LTF: variants seen among roughly 807,000 people sequenced by gnomAD.
The protein encoded by LTF is lactotransferrin, also known as epididymis luminal protein 110.
A neutral mutation model predicts 87.2 loss-of-function variants in LTF; 91 were observed. The ratio of observed to expected loss-of-function variants is 1.04; its 90% CI spans 0.88 to 1.24. LTF has a LOEUF of 1.24. Among genes scored for constraint, LTF ranks in the 50% most tolerant of loss-of-function variants. The probability of loss-of-function intolerance (pLI) is 0.00; values close to 1 mark genes in which losing one functional copy is unlikely to be tolerated. For missense variants in LTF, 901 were observed against 904.3 expected, an observed-to-expected ratio of 1.00 and a Z score of 0.05; for synonymous variants, 378 against 356.1, an observed-to-expected ratio of 1.06 and a Z score of -0.69.
intron 1 of LTF, among the ~76,000 whole-genome samples, chr3:46,471,955 G>C (rs1362502958): frequency 1.3e-5 from 2 of 152,188 alleles, no homozygotes. Context: ...CCGAGATGCT[G>C]TCATGTTAGC....
rs148123129 is a variant in LTF at position 46,455,840 on chromosome 3, C to A, written c.455G>T (p.Arg152Leu). 2.2e-5 allele frequency: 36 copies of A among 1,600,922 alleles called. No homozygotes were observed. Among genetic ancestry groups the A allele is most frequent in the African/African-American group, 2.7e-5 (2 of 74,398 alleles). Reference sequence around the variant, plus strand: ...TGGACCCGTCCAATTCAAGAATGGACGAAGTGTCCCTATAGGGACATTCCA... The same window carrying A: ...TGGACCCGTCCAATTCAAGAATGGAAGAAGTGTCCCTATAGGGACATTCCA... The part of the protein sequence containing the change: ...AGWNVPIGTL[R>L]PFLNWTGPPE... The change falls in exon 4 of 17, where the codon CGT (arginine) becomes CTT (leucine). Residue 152 changes from arginine to leucine, a missense_variant. Transcript: ENST00000231751.
chr3:46,438,606 G>T lies in LTF; in HGVS notation c.1909-477C>A, dbSNP rs568857629. ...TCACACAGTTCCTGCTCTGTCCCAG[G>T]CTCCCATGTGGGGAGACTGAGACCC... On this transcript the variant is annotated intron_variant, in intron 15 of 16. Coordinates refer to ENST00000231751, the MANE Select transcript of LTF (RefSeq NM_002343.6). Among the ~76,000 whole-genome samples the T allele has an allele frequency of 2.0e-5, 3 of 152,272 alleles. No homozygotes were observed. In the East Asian group the frequency reaches 5.8e-4, roughly 29 times the overall value.
At chr3:46,484,161 C>T (rs905111037) in intron 1 of LTF, among the ~76,000 whole-genome samples, 3 of 152,010 alleles carry the variant, frequency 2.0e-5, no homozygotes, top group Non-Finnish European at 4.4e-5. Flanking sequence ...AGGGAGGGGT[C>T]GGAGAAGACA....
chr3:46,466,326 G>T (rs1703213237), upstream of LTF, among the ~76,000 whole-genome samples: 1 of 152,156 alleles, frequency 6.6e-6, no homozygotes, highest in African/African-American at 2.4e-5. Flanking sequence ...CACCTTTCTT[G>T]GCAGGTGAGT....
rs1191973713 is a variant in LTF at position 46,436,232 on chromosome 3, G to A, written c.2099-3C>T. On this transcript the variant is annotated splice_region_variant and splice_polypyrimidine_tract_variant and intron_variant, in intron 16 of 16. Coordinates refer to ENST00000231751, the MANE Select transcript of LTF (RefSeq NM_002343.6). Reference sequence around the variant, plus strand: ...GAATTCACAGGCTTCCAGGAGGGCTGTGGGACACAACAGAGCAAGAGATTC... The same window carrying A: ...GAATTCACAGGCTTCCAGGAGGGCTATGGGACACAACAGAGCAAGAGATTC... 8 of 1,613,872 alleles carry A rather than the reference G, an allele frequency of 5.0e-6. No individual in the cohort carries two copies. In the South Asian group the frequency reaches 8.8e-5, roughly 18 times the overall value.
At position 46,450,536 on chromosome 3, in the gene LTF, C is replaced by A; in HGVS notation, c.841G>T (p.Gly281Cys). 3 of 1,613,960 alleles carry A rather than the reference C, an allele frequency of 1.9e-6. No individual in the cohort carries two copies. Among genetic ancestry groups the A allele is most frequent in the Non-Finnish European group, 2.5e-6 (3 of 1,180,038 alleles). Reference protein sequence around the residue: ...SHAVVARSVNGKEDAIWNLLR... With the variant: ...SHAVVARSVNCKEDAIWNLLR... Reference sequence around the variant, plus strand: ...AGATTCCAGATGGCATCCTCCTTGCCATTCACACTTCGTGCCACAACGGCA... The same window carrying A: ...AGATTCCAGATGGCATCCTCCTTGCAATTCACACTTCGTGCCACAACGGCA... The change falls in exon 7 of 17, where the codon GGC becomes TGC. Residue 281 changes from glycine (G) to cysteine (C), a missense_variant. Coordinates refer to ENST00000231751, the MANE Select transcript of LTF (RefSeq NM_002343.6).
chr3:46,482,621 A>AAAGAAAG (rs1559614724), intron 1 of LTF, among the ~76,000 whole-genome samples: 7 of 51,980 alleles, frequency 1.3e-4, no homozygotes, highest in South Asian at 1.0e-3. Flanking sequence ...AGAAAGAAAG[A>AAAGAAAG]AAGAAAGAAA....
intron 1 of LTF, among the ~76,000 whole-genome samples, chr3:46,475,450 A>G (rs1703347903): frequency 6.6e-6 from 1 of 151,788 alleles, no homozygotes; most frequent in South Asian, 2.1e-4. Context: ...GGAGAGGGTC[A>G]TCTCTGTTAT....
At chr3:46,439,582 C>A in intron 14 of LTF, 102 bp from the exon 15 acceptor site, 1 of 968,344 alleles carries the variant, frequency 1.0e-6, no homozygotes, top group Non-Finnish European at 1.5e-6. Context: ...CAAATGCACA[C>A]ACTGGGGTTG....
intron 8 of LTF, among the ~76,000 whole-genome samples, 192 bp from the exon 9 acceptor site, chr3:46,449,209 C>T (rs539445611): frequency 6.6e-6 from 1 of 152,328 alleles, no homozygotes; most frequent in South Asian, 2.1e-4. Flanking sequence ...ACAGAGCTCC[C>T]TGTGTTTCCC....
At position 46,441,323 on chromosome 3, in the gene LTF, A is replaced by G. The variant is rs1702510037; in HGVS notation, c.1723+93T>C. Reference sequence around the variant, plus strand: ...TTTAATCACAAATATGGAAAATGTTATAAAACCTTCCCAAAGGCAAATCTG... The same window carrying G: ...TTTAATCACAAATATGGAAAATGTTGTAAAACCTTCCCAAAGGCAAATCTG... On this transcript the variant is annotated intron_variant, in intron 14 of 16. Coordinates refer to ENST00000231751, the MANE Select transcript of LTF (RefSeq NM_002343.6). The G allele has an allele frequency of 5.2e-6, 5 of 967,278 alleles. No homozygotes were observed. In the Admixed American group the frequency reaches 1.3e-4, roughly 24 times the overall value. 59.9% of individuals were successfully genotyped at this position (967,278 alleles called of 1,614,324 possible).
In LTF at chr3:46,447,396, T is replaced by A. The variant is rs1702682033; in HGVS notation, c.1215A>T (p.Lys405Asn). The change falls in exon 10 of 17, where the codon AAA (lysine) becomes AAT (asparagine). Residue 405 changes from lysine to asparagine, a missense_variant and splice_region_variant. By Grantham distance (94) the Lys-to-Asn change is moderately conservative (BLOSUM62 0). Transcript: ENST00000231751. ...TTEDCIALVL[K>N]GEADAMSLDG... The stretch of plus-strand genomic sequence containing the variant: ...CCAAACTCATGGCATCAGCTTCTCC[T>A]TTCTGCAAAGACAGAGCAGATCTCC... The A allele has an allele frequency of 1.2e-6, 2 of 1,612,686 alleles. No homozygotes were observed. Among genetic ancestry groups the A allele is most frequent in the Non-Finnish European group, 1.7e-6 (2 of 1,178,706 alleles).
intron 8 of LTF, 94 bp downstream of exon 8, chr3:46,449,760 T>C: frequency 7.5e-7 from 1 of 1,338,044 alleles, no homozygotes. Context: ...CCACAGTGTC[T>C]GGGAAAAGGA....
chr3:46,481,164 C>T (rs999178300), intron 1 of LTF, among the ~76,000 whole-genome samples: 17 of 152,210 alleles, frequency 1.1e-4, no homozygotes, highest in African/African-American at 1.7e-4. Flanking sequence ...TGACCTCTTC[C>T]ATCCTGCAAC....
At chr3:46,448,162 G>A (rs1702701691) in intron 9 of LTF, among the ~76,000 whole-genome samples, 2 of 152,086 alleles carry the variant, frequency 1.3e-5, no homozygotes, top group African/African-American at 2.4e-5. Flanking sequence ...CCAGGAGTTC[G>A]AGACGAGCCT....
chr3:46,466,552 A>G (rs923643442), upstream of LTF, among the ~76,000 whole-genome samples: 3 of 152,146 alleles, frequency 2.0e-5, no homozygotes, highest in African/African-American at 7.2e-5. Context: ...GAGCCCCTCC[A>G]TTTCTGGGCA....
Position 46,456,319 on chromosome 3 carries a change from A to G in LTF, c.287T>C (p.Val96Ala), listed in dbSNP as rs1008316527. ...TTCGGTCCCGTAGACTTCCGCCGCT[A>G]CAGGTCGCAGTTTGTAGGGGGCCAG... is the stretch of plus-strand genomic sequence containing the variant. ...AGLAPYKLRP[V>A]AAEVYGTERQ... The change falls in exon 3 of 17, where the codon GTA (valine) becomes GCA (alanine). Residue 96 changes from valine to alanine, a missense_variant. Val to Ala is a moderately conservative substitution (Grantham distance 64, BLOSUM62 0). Coordinates refer to ENST00000231751, the MANE Select transcript of LTF (RefSeq NM_002343.6). 6.2e-6 allele frequency: 10 copies of G among 1,613,978 alleles called. No individual in the cohort carries two copies. The Admixed American group carries it at 1.5e-4, about 24-fold the overall frequency.
At chr3:46,467,212 GCATTCATT>G (rs10663529), upstream of LTF, among the ~76,000 whole-genome samples, 5 of 150,122 alleles carry the variant, frequency 3.3e-5, no homozygotes, top group Non-Finnish European at 5.9e-5. Flanking sequence ...TCTATTAACA[GCATTCATT>G]CATTCATTCA....
At chr3:46,447,190 C>T (rs1702676007) in intron 10 of LTF, 118 bp downstream of exon 10, 1 of 716,644 alleles carries the variant, frequency 1.4e-6, no homozygotes, top group South Asian at 1.7e-5. Context: ...CCCTGATTCT[C>T]CCTTTTGAAT....
Sources: allele counts gnomAD v4.1 joint callset (sites outside exome capture counted in the v4.1 genomes callset), GRCh38; gene constraint gnomAD v4.1.1; transcripts MANE v1.5; gene names NCBI Gene and HGNC (gene_info 2026-07-23, HGNC 2026-07-21).